MPP7: variants seen among roughly 807,000 people sequenced by gnomAD.
MPP7 encodes MAGUK p55 subfamily member 7.
A neutral mutation model predicts 76.5 loss-of-function variants in MPP7; 60 were observed. The ratio of observed to expected loss-of-function variants is 0.78; its 90% CI spans 0.64 to 0.97. The LOEUF (loss-of-function observed/expected upper bound fraction) is 0.97, where lower values mean the gene tolerates loss of function less well. Among genes scored for constraint, MPP7 ranks in the 50% least tolerant of loss-of-function variants. The pLI, the probability that MPP7 is intolerant of heterozygous loss-of-function variation, is 0.00. For missense variants in MPP7, 641 were observed against 694.0 expected, an observed-to-expected ratio of 0.92 and a Z score of 0.86; for synonymous variants, 237 against 244.5, an observed-to-expected ratio of 0.97 and a Z score of 0.29.
chr10:28,331,723 C>T (rs1834471183), intron 1 of MPP7, among the ~76,000 whole-genome samples: 1 of 152,036 alleles, frequency 6.6e-6, no homozygotes, highest in African/African-American at 2.4e-5. Flanking sequence ...TACAGGTGCA[C>T]ACCACCATGC....
intron 2 of MPP7, among the ~76,000 whole-genome samples, chr10:28,323,998 G>T (rs962515595): frequency 1.4e-4 from 22 of 152,284 alleles, no homozygotes; most frequent in African/African-American, 5.3e-4. Flanking sequence ...ATCCTAGTGA[G>T]ATGATAATAG....
intron 1 of MPP7, among the ~76,000 whole-genome samples, chr10:28,295,706 C>T (rs1490498944): frequency 1.3e-5 from 2 of 152,240 alleles, no homozygotes; most frequent in Non-Finnish European, 2.9e-5. Flanking sequence ...ACAATATTCA[C>T]AGCAAAAGGG....
chr10:28,226,936 T>C (rs188477268), intron 2 of MPP7, among the ~76,000 whole-genome samples: 2 of 152,332 alleles, frequency 1.3e-5, no homozygotes, highest in East Asian at 3.9e-4. Flanking sequence ...CTAATCACTA[T>C]TATGTATGCT....
At chr10:28,227,548 C>T (rs898862850) in intron 2 of MPP7, among the ~76,000 whole-genome samples, 4 of 151,948 alleles carry the variant, frequency 2.6e-5, no homozygotes, top group Non-Finnish European at 5.9e-5. Context: ...CTCCCACTTA[C>T]AAGAGAAAAC....
intron 1 of MPP7, among the ~76,000 whole-genome samples, chr10:28,290,361 A>C (rs1382140857): frequency 6.6e-6 from 1 of 151,336 alleles, no homozygotes; most frequent in Non-Finnish European, 1.5e-5. Flanking sequence ...ATAATACTAC[A>C]AGGAAACTTC....
chr10:28,237,251 T>G (rs915913922), intron 2 of MPP7, among the ~76,000 whole-genome samples: 2 of 152,228 alleles, frequency 1.3e-5, no homozygotes, highest in Non-Finnish European at 2.9e-5. Flanking sequence ...ACATAAATTT[T>G]ATCCATAATT....
chr10:28,273,639 C>T (rs1226307068), intron 1 of MPP7, among the ~76,000 whole-genome samples: 2 of 152,216 alleles, frequency 1.3e-5, no homozygotes, highest in African/African-American at 4.8e-5. Flanking sequence ...GAATTTAAGT[C>T]TTCTGCTACT....
chr10:28,221,531 T>C (rs759717705), intron 2 of MPP7, among the ~76,000 whole-genome samples: 5 of 152,178 alleles, frequency 3.3e-5, no homozygotes, highest in Non-Finnish European at 5.9e-5. Context: ...TGGTTCACCA[T>C]TTCAGAAACA....
At chr10:28,304,552 T>C (rs1841236333), upstream of MPP7, among the ~76,000 whole-genome samples, 1 of 152,206 alleles carries the variant, frequency 6.6e-6, no homozygotes, top group African/African-American at 2.4e-5. Context: ...AATAACCTTA[T>C]TGCCTAACAA....
Position 28,192,303 on chromosome 10 carries a change from A to T in MPP7, c.156+9850T>A, listed in dbSNP as rs181162265. Among the ~76,000 whole-genome samples the T allele has an allele frequency of 7.9e-5, 12 of 152,334 alleles. No individual in the cohort carries two copies. The East Asian group carries it at 1.7e-3, about 22-fold the overall frequency. On this transcript the variant is annotated intron_variant, in intron 3 of 16. Coordinates refer to ENST00000683449, the MANE Select transcript of MPP7 (RefSeq NM_001318170.2). ...CTAGCTAATGCTATAAGACAAAAAA[A>T]GATATATACAGATTGAGAACAAATA...
At chr10:28,231,434 T>C (rs1838878445) in intron 2 of MPP7, among the ~76,000 whole-genome samples, 1 of 150,162 alleles carries the variant, frequency 6.7e-6, no homozygotes, top group Non-Finnish European at 1.5e-5. Context: ...AAATGTACAA[T>C]AGAGAAAATA....
intron 5 of MPP7, among the ~76,000 whole-genome samples, chr10:28,143,665 T>A (rs1336807352): frequency 7.0e-6 from 1 of 142,884 alleles, no homozygotes; most frequent in African/African-American, 2.5e-5. Context: ...TTAAAAATAT[T>A]CTTATGGTTC....
chr10:28,075,823 T>G, intron 12 of MPP7, among the ~76,000 whole-genome samples: 1 of 152,226 alleles, frequency 6.6e-6, no homozygotes, highest in East Asian at 1.9e-4. Flanking sequence ...TGTACTTGCC[T>G]GCTTCCTTGT....
chr10:28,158,784 G>A (rs546305098), intron 3 of MPP7, among the ~76,000 whole-genome samples: 1 of 152,208 alleles, frequency 6.6e-6, no homozygotes. Flanking sequence ...CACAAGCCAT[G>A]CACTGTAAGA....
intron 11 of MPP7, among the ~76,000 whole-genome samples, chr10:28,109,859 A>AAAC (rs1409772974): frequency 2.7e-5 from 4 of 148,824 alleles, no homozygotes; most frequent in African/African-American, 7.4e-5. Context: ...AAAAAAAAAA[A>AAAC]AAAAAAAAAA....
At chr10:28,105,249 T>C (rs1460655887) in intron 11 of MPP7, among the ~76,000 whole-genome samples, 1 of 74,898 alleles carries the variant, frequency 1.3e-5, no homozygotes, top group Non-Finnish European at 2.1e-5. Flanking sequence ...GAATACATTT[T>C]GCACAACATC....
At chr10:28,218,865 T>C (rs993293788) in intron 2 of MPP7, among the ~76,000 whole-genome samples, 4 of 152,180 alleles carry the variant, frequency 2.6e-5, no homozygotes, top group East Asian at 1.9e-4. Flanking sequence ...CCGATTAGAA[T>C]CTCAATTCCT....
At chr10:28,207,780 A>G (rs1837997641) in intron 2 of MPP7, among the ~76,000 whole-genome samples, 1 of 152,158 alleles carries the variant, frequency 6.6e-6, no homozygotes, top group Non-Finnish European at 1.5e-5. Flanking sequence ...AAAAAGGAAA[A>G]CAGAACCTGC....
intron 2 of MPP7, among the ~76,000 whole-genome samples, chr10:28,205,368 T>C (rs916979625): frequency 7.9e-5 from 12 of 152,314 alleles, no homozygotes; most frequent in African/African-American, 2.9e-4. Flanking sequence ...AAAGTTCTAA[T>C]GGTGAAGAGT....
Sources: gnomAD v4.1 joint callset for allele counts (sites outside exome capture counted in the v4.1 genomes callset) on GRCh38, gnomAD v4.1.1 for gene constraint, MANE v1.5 for transcripts, NCBI Gene and HGNC (gene_info 2026-07-23, HGNC 2026-07-21) for gene names.